The following GRIA4 variants were observed in gnomAD, a reference collection of about 807,000 sequenced individuals.
The protein encoded by GRIA4 is glutamate receptor 4.
Under a neutral mutation model 104.0 loss-of-function variants are expected in GRIA4, and 34 were observed. That is an observed-to-expected ratio of 0.33 (90% CI 0.25 to 0.44). GRIA4 has a LOEUF of 0.44. Among genes scored for constraint, GRIA4 ranks in the 20% least tolerant of loss-of-function variants. The pLI, the probability that GRIA4 is intolerant of heterozygous loss-of-function variation, is 1.00. For missense variants in GRIA4, 750 were observed against 1,096.5 expected (o/e 0.68, Z 4.46); for synonymous variants, 386 against 381.9 (o/e 1.01, Z -0.13).
intron 4 of GRIA4, among the ~76,000 whole-genome samples, chr11:105,801,903 A>C (rs1259310314): frequency 2.0e-5 from 3 of 152,164 alleles, no homozygotes; most frequent in African/African-American, 7.2e-5. Flanking sequence ...CCTAGAGATG[A>C]GTCACAAAGG....
chr11:105,656,586 A>G (rs138635682), intron 3 of GRIA4, among the ~76,000 whole-genome samples: 4 of 152,244 alleles, frequency 2.6e-5, no homozygotes, highest in African/African-American at 9.6e-5. Flanking sequence ...GAGAACAGGC[A>G]ACCTACAGAA....
chr11:105,885,845 G>T (rs966620015), intron 5 of GRIA4, among the ~76,000 whole-genome samples: 1 of 152,180 alleles, frequency 6.6e-6, no homozygotes, highest in African/African-American at 2.4e-5. Context: ...TCATAAAAGT[G>T]GCCTCAGGCC....
chr11:105,834,001 A>T (rs927462713), intron 4 of GRIA4, among the ~76,000 whole-genome samples: 2 of 151,902 alleles, frequency 1.3e-5, no homozygotes, highest in East Asian at 3.9e-4. Flanking sequence ...TCATTTACTG[A>T]TTATTTGGAT....
chr11:105,747,569 T>A (rs2135676367), intron 3 of GRIA4, among the ~76,000 whole-genome samples: 1 of 152,272 alleles, frequency 6.6e-6, no homozygotes, highest in African/African-American at 2.4e-5. Flanking sequence ...CAGAATTTTA[T>A]GTCAAGTATG....
chr11:105,734,449 C>T (rs1409998407), intron 3 of GRIA4, among the ~76,000 whole-genome samples: 1 of 152,080 alleles, frequency 6.6e-6, no homozygotes, highest in African/African-American at 2.4e-5. Context: ...GGATCAAGTT[C>T]CCTAGGATCC....
chr11:105,677,916 C>A (rs1162873794), intron 3 of GRIA4, among the ~76,000 whole-genome samples: 2 of 151,922 alleles, frequency 1.3e-5, no homozygotes, highest in Non-Finnish European at 2.9e-5. Flanking sequence ...GGACATGTTG[C>A]ATTGTGAAGC....
intron 5 of GRIA4, among the ~76,000 whole-genome samples, chr11:105,862,862 A>C (rs900226535): frequency 1.3e-5 from 2 of 152,188 alleles, no homozygotes; most frequent in African/African-American, 4.8e-5. Context: ...GTTGTATTAA[A>C]TGATAGGAAA....
At chr11:105,762,734 T>C (rs1185236990) in intron 4 of GRIA4, among the ~76,000 whole-genome samples, 1 of 152,176 alleles carries the variant, frequency 6.6e-6, no homozygotes, top group Non-Finnish European at 1.5e-5. Context: ...GAAGTTCCCC[T>C]GCACATGCTA....
At chr11:105,807,694 G>A (rs1008486582) in intron 4 of GRIA4, among the ~76,000 whole-genome samples, 3 of 151,554 alleles carry the variant, frequency 2.0e-5, no homozygotes, top group Non-Finnish European at 4.4e-5. Flanking sequence ...ATTTTTTTCA[G>A]CTCTGAGAAG....
chr11:105,704,839 T>C (rs1006575340), intron 3 of GRIA4, among the ~76,000 whole-genome samples: 46 of 152,188 alleles, frequency 3.0e-4, no homozygotes, highest in African/African-American at 1.1e-3. Flanking sequence ...GTTTCTCCCA[T>C]GTTAGTTTAT....
rs1944847284 is a variant in GRIA4, at chr11:105,852,483, AC to A, written c.488-9539del. On this transcript the variant is annotated intron_variant, in intron 4 of 16. Coordinates refer to ENST00000282499, the MANE Select transcript of GRIA4 (RefSeq NM_000829.4). ...AGAAATTTAAATAACCTGCCTCAGA[AC>A]CACAGAGTTGAAATGAGAAACAGAA... 5.3e-5 allele frequency among the ~76,000 whole-genome samples: 8 copies of A among 152,158 alleles called. No homozygotes were observed. The South Asian group carries it at 1.7e-3, about 32-fold the overall frequency.
intron 3 of GRIA4, among the ~76,000 whole-genome samples, chr11:105,668,854 C>G (rs1447436375): frequency 6.6e-6 from 1 of 151,494 alleles, no homozygotes; most frequent in Admixed American, 6.6e-5. Flanking sequence ...TTTGGCTACC[C>G]ATTTAGTTTA....
At chr11:105,739,947 G>A (rs897612084) in intron 3 of GRIA4, among the ~76,000 whole-genome samples, 1 of 152,188 alleles carries the variant, frequency 6.6e-6, no homozygotes, top group African/African-American at 2.4e-5. Context: ...GCTGAGCAGT[G>A]AGTGTTTGGG....
chr11:105,740,583 T>C (rs1380017860), intron 3 of GRIA4, among the ~76,000 whole-genome samples: 1 of 152,122 alleles, frequency 6.6e-6, no homozygotes, highest in Admixed American at 6.6e-5. Context: ...AAATAAGCAA[T>C]CAAATAAATA....
intron 4 of GRIA4, among the ~76,000 whole-genome samples, chr11:105,769,218 T>C (rs1226754852): frequency 6.6e-6 from 1 of 152,106 alleles, no homozygotes; most frequent in African/African-American, 2.4e-5. Context: ...AATGGCAGGC[T>C]TCTGTACAGA....
chr11:105,672,791 C>T (rs1952415849), intron 3 of GRIA4, among the ~76,000 whole-genome samples: 1 of 152,014 alleles, frequency 6.6e-6, no homozygotes, highest in South Asian at 2.1e-4. Context: ...GTGTGTTAAC[C>T]TGAGGATTCA....
intron 14 of GRIA4, among the ~76,000 whole-genome samples, chr11:105,962,053 G>C (rs1019602858): frequency 3.3e-5 from 5 of 152,044 alleles, no homozygotes; most frequent in African/African-American, 1.2e-4. Context: ...ACAAATCCAG[G>C]AAATCAGAAA....
At chr11:105,794,987 A>G (rs561412522) in intron 4 of GRIA4, among the ~76,000 whole-genome samples, 1 of 152,258 alleles carries the variant, frequency 6.6e-6, no homozygotes, top group African/African-American at 2.4e-5. Context: ...TGAAACTGTT[A>G]TTGACACACC....
At chr11:105,789,868 G>A (rs901478843) in intron 4 of GRIA4, among the ~76,000 whole-genome samples, 1 of 152,088 alleles carries the variant, frequency 6.6e-6, no homozygotes, top group Non-Finnish European at 1.5e-5. Context: ...CAAAAAAATT[G>A]CTAAGTGAAG....
Sources: allele counts gnomAD v4.1 joint callset (sites outside exome capture counted in the v4.1 genomes callset), GRCh38; gene constraint gnomAD v4.1.1; transcripts MANE v1.5; gene names NCBI Gene and HGNC (gene_info 2026-07-23, HGNC 2026-07-21).